The following RGS17 variants were observed in gnomAD, a reference collection of about 807,000 sequenced individuals.
RGS17 encodes the protein regulator of G-protein signaling 17.
In RGS17, 12 loss-of-function variants were observed where a neutral mutation model predicts 25.5. That is an observed-to-expected ratio of 0.47 (90% CI 0.30 to 0.76). The LOEUF is 0.76. Ranked by LOEUF, RGS17 falls within the 30% of genes least tolerant of loss-of-function variation. RGS17 has a pLI of 0.07. For synonymous variants in RGS17, 71 were observed against 76.9 expected (o/e 0.92, Z 0.40); for missense variants, 196 against 242.2 (o/e 0.81, Z 1.27).
intron 4 of RGS17, 50 bp downstream of exon 4, chr6:153,024,212 G>T (rs1279982195): frequency 7.9e-7 from 1 of 1,272,878 alleles, no homozygotes; most frequent in Non-Finnish European, 1.1e-6. Flanking sequence ...ATCCCTTGAC[G>T]GTTATCCTTG....
rs145355638 is a variant in RGS17, at chr6:153,024,989, G to A, written c.210-493C>T. Among the ~76,000 whole-genome samples, 1,268 of 151,696 alleles carry A rather than the reference G, an allele frequency of 8.4e-3. 17 individuals carry two copies. Among genetic ancestry groups the A allele is most frequent in the African/African-American group, 0.029 (1,207 of 41,286 alleles). ...GATTTAAAATAAGAATACACTGTGT[G>A]CACTTGTCACATATTTTCCTAAACT... On this transcript the variant is annotated intron_variant, in intron 3 of 4. Coordinates refer to ENST00000206262, the MANE Select transcript of RGS17 (RefSeq NM_012419.5).
intron 1 of RGS17, among the ~76,000 whole-genome samples, chr6:153,044,750 T>A (rs1245913028): frequency 6.6e-6 from 1 of 152,206 alleles, no homozygotes; most frequent in Non-Finnish European, 1.5e-5. Context: ...CTGGTGGAAT[T>A]TATATATCAT....
At chr6:153,052,541 A>G (rs1776475736) in intron 1 of RGS17, among the ~76,000 whole-genome samples, 1 of 151,928 alleles carries the variant, frequency 6.6e-6, no homozygotes, top group Non-Finnish European at 1.5e-5. Context: ...CACCAACCTA[A>G]TATTTGGTTT....
At chr6:153,028,262 A>C (rs1779325037) in intron 2 of RGS17, among the ~76,000 whole-genome samples, 1 of 152,188 alleles carries the variant, frequency 6.6e-6, no homozygotes, top group South Asian at 2.1e-4. Context: ...AATGTAGCCC[A>C]GAAGGATTCT....
chr6:153,110,425 T>TACACACACACAC (rs149969105), intron 1 of RGS17, among the ~76,000 whole-genome samples: 8,682 of 144,784 alleles, frequency 0.06, 449 homozygotes, highest in African/African-American at 0.13. Context: ...ACTGCCAACA[T>TACACACACACAC]ACACACACAC....
In RGS17 at chr6:153,130,720, C is replaced by G. The variant is rs1473747546; in HGVS notation, c.-26+404G>C. Reference sequence around the variant, plus strand: ...CAAAACCCGCAACACCTCGCGTCCCCGCGGGGTCTCCCGCGCCCCTGGCCC... The same window carrying G: ...CAAAACCCGCAACACCTCGCGTCCCGGCGGGGTCTCCCGCGCCCCTGGCCC... On this transcript the variant is annotated intron_variant, in intron 1 of 4. Coordinates refer to ENST00000206262, the MANE Select transcript of RGS17 (RefSeq NM_012419.5). This position sits in a 1 kb window ranked among gnomAD's most constrained non-coding sequence, Gnocchi z 6.4. 2.0e-5 allele frequency among the ~76,000 whole-genome samples: 3 copies of G among 152,120 alleles called. No individual in the cohort carries two copies. The highest frequency in any genetic ancestry group is 7.2e-5 in the African/African-American group (3 of 41,448).
intron 1 of RGS17, among the ~76,000 whole-genome samples, chr6:153,125,763 G>A (rs1777696372): frequency 1.3e-5 from 2 of 152,128 alleles, no homozygotes; most frequent in Admixed American, 6.5e-5. Flanking sequence ...AAGATCACCT[G>A]AGCCCAGGGA....
chr6:153,054,875 A>G (rs1286109178), intron 1 of RGS17, among the ~76,000 whole-genome samples: 1 of 152,114 alleles, frequency 6.6e-6, no homozygotes, highest in African/African-American at 2.4e-5. Context: ...ACCATTTGGA[A>G]CAGATCACTC....
chr6:153,020,126 ATATATATATATATTTTTTTTTTTTT>A (rs1562312998), intron 4 of RGS17, among the ~76,000 whole-genome samples: 7 of 93,528 alleles, frequency 7.5e-5, no homozygotes, highest in East Asian at 7.1e-4. Context: ...ATATATATAT[ATATATATATATATTTTTTTTTTTTT>A]TTTTTTTTTT....
At chr6:153,096,839 T>C (rs1308503544) in intron 1 of RGS17, among the ~76,000 whole-genome samples, 1 of 152,198 alleles carries the variant, frequency 6.6e-6, no homozygotes, top group Non-Finnish European at 1.5e-5. Flanking sequence ...TAAATTTACT[T>C]TTTTTGAAAG....
In RGS17 at chr6:153,029,057, C is replaced by T. The variant is rs540240200; in HGVS notation, c.120-2514G>A. On this transcript the variant is annotated intron_variant, in intron 2 of 4. Coordinates refer to ENST00000206262, the MANE Select transcript of RGS17 (RefSeq NM_012419.5). The stretch of plus-strand genomic sequence containing the variant: ...CATCCCAAATGCTACCATATTAGAG[C>T]GATCATTACGAAATATTAGGTTGAG... Among the ~76,000 whole-genome samples the T allele has an allele frequency of 6.6e-5, 10 of 152,252 alleles. No homozygotes were observed. In the South Asian group the frequency reaches 1.9e-3, roughly 28 times the overall value.
chr6:153,106,167 G>C (rs1397317863), intron 1 of RGS17, among the ~76,000 whole-genome samples: 2 of 152,036 alleles, frequency 1.3e-5, no homozygotes, highest in Admixed American at 6.6e-5. Context: ...CCTTTGGTAA[G>C]AGTATGAGAA....
chr6:153,034,688 T>C (rs1490455543), intron 2 of RGS17, among the ~76,000 whole-genome samples: 1 of 152,156 alleles, frequency 6.6e-6, no homozygotes, highest in Non-Finnish European at 1.5e-5. Flanking sequence ...GGTCTTTCCT[T>C]ATCCCATACA....
At chr6:153,071,644 T>G (rs1019499577) in intron 1 of RGS17, among the ~76,000 whole-genome samples, 2 of 152,164 alleles carry the variant, frequency 1.3e-5, no homozygotes, top group Admixed American at 6.6e-5. Flanking sequence ...GGTTTCTAAA[T>G]GCTTGTTCTC....
chr6:153,044,682 T>C (rs991068513), intron 1 of RGS17, among the ~76,000 whole-genome samples: 1 of 152,214 alleles, frequency 6.6e-6, no homozygotes, highest in Non-Finnish European at 1.5e-5. Context: ...CCCAAATTTA[T>C]CTTTATTTAA....
chr6:153,122,056 T>C (rs1357069010), intron 1 of RGS17, among the ~76,000 whole-genome samples: 1 of 152,212 alleles, frequency 6.6e-6, no homozygotes, highest in Admixed American at 6.5e-5. Context: ...TATTGAATGA[T>C]ATTATACTTT....
intron 1 of RGS17, among the ~76,000 whole-genome samples, chr6:153,083,872 T>C (rs1777017019): frequency 6.6e-6 from 1 of 152,212 alleles, no homozygotes; most frequent in African/African-American, 2.4e-5. Flanking sequence ...ACAGCTCTCC[T>C]GATAAAGGGC....
chr6:153,018,881 T>C lies in RGS17; in HGVS notation c.444+5381A>G, dbSNP rs565414068. Reference sequence around the variant, plus strand: ...TCAAGTGAGTTCTGTTTAGAAAAACTGACTTAAATCATTGAATGTGCTAAA... The same window carrying C: ...TCAAGTGAGTTCTGTTTAGAAAAACCGACTTAAATCATTGAATGTGCTAAA... On this transcript the variant is annotated intron_variant, in intron 4 of 4. Transcript: ENST00000206262. 1.6e-4 allele frequency among the ~76,000 whole-genome samples: 25 copies of C among 152,372 alleles called. No individual in the cohort carries two copies. In the South Asian group the frequency reaches 5.0e-3, roughly 30 times the overall value.
chr6:153,033,424 T>TA (rs1232619976), intron 2 of RGS17, among the ~76,000 whole-genome samples: 3 of 152,070 alleles, frequency 2.0e-5, no homozygotes, highest in Non-Finnish European at 2.9e-5. Context: ...ATACTTTACA[T>TA]AATACACGCC....
Sources: allele counts gnomAD v4.1 joint callset (sites outside exome capture counted in the v4.1 genomes callset), GRCh38; gene constraint gnomAD v4.1.1; non-coding constraint Gnocchi (gnomAD v3.1); transcripts MANE v1.5; gene names NCBI Gene and HGNC (gene_info 2026-07-23, HGNC 2026-07-21).